SGPP2: variants seen among roughly 807,000 people sequenced by gnomAD.
The protein encoded by SGPP2 is sphingosine 1-phosphate phosphohydrolase 2.
SGPP2 carries 30 observed loss-of-function variants against 33.9 expected under a neutral mutation model. The ratio of observed to expected loss-of-function variants is 0.89; its 90% CI spans 0.66 to 1.20. The LOEUF (loss-of-function observed/expected upper bound fraction) is 1.20. SGPP2 is among the 50% of genes most tolerant of loss of function. The probability of loss-of-function intolerance (pLI) is 0.00; values close to 1 mark genes in which losing one functional copy is unlikely to be tolerated. For missense variants in SGPP2, 458 were observed against 532.1 expected (o/e 0.86, Z 1.37); for synonymous variants, 233 against 225.0 (o/e 1.04, Z -0.32).
chr2:222,474,569 C>T lies in SGPP2; in HGVS notation c.221C>T (p.Ala74Val). 1.9e-6 allele frequency: 3 copies of T among 1,613,098 alleles called. No individual in the cohort carries two copies. The highest frequency in any genetic ancestry group is 2.5e-6 in the Non-Finnish European group (3 of 1,179,612). The change falls in exon 2 of 5, where the codon GCT (alanine) becomes GTT (valine). Residue 74 changes from alanine (A) to valine (V), a missense_variant and splice_region_variant. Coordinates refer to ENST00000321276, the MANE Select transcript of SGPP2 (RefSeq NM_152386.4). ...NGLRRAAAPE[A>V]YVQKYVVKNY... ...AGTCTTCTAACTTTTGTCTTTTAGGCTTATGTACAGAAGTACGTCGTGAAG... is the reference window on the plus strand; with the variant it reads ...AGTCTTCTAACTTTTGTCTTTTAGGTTTATGTACAGAAGTACGTCGTGAAG...
At position 222,550,686 on chromosome 2, in the gene SGPP2, T is replaced by A. The variant is rs577124633; in HGVS notation, c.649-7661T>A. Among the ~76,000 whole-genome samples, 3 of 152,322 alleles carry A rather than the reference T, an allele frequency of 2.0e-5. No homozygotes were observed. The East Asian group carries it at 5.8e-4, about 29-fold the overall frequency. Reference sequence around the variant, plus strand: ...ATAAGGCAGCGTGGTTTTTATCTCATTTTTGGTGTAAGCAGCATAATATGC... The same window carrying A: ...ATAAGGCAGCGTGGTTTTTATCTCAATTTTGGTGTAAGCAGCATAATATGC... On this transcript the variant is annotated intron_variant, in intron 4 of 4. Coordinates refer to ENST00000321276, the MANE Select transcript of SGPP2 (RefSeq NM_152386.4). This position sits in a 1 kb window ranked among gnomAD's most constrained non-coding sequence, Gnocchi z 4.5.
chr2:222,491,202 A>G (rs1043400016), intron 2 of SGPP2, among the ~76,000 whole-genome samples: 1 of 152,074 alleles, frequency 6.6e-6, no homozygotes, highest in African/African-American at 2.4e-5. Context: ...TGCTGTGATC[A>G]TAGCTCACTG....
At chr2:222,458,000 A>G (rs956345687) in intron 1 of SGPP2, among the ~76,000 whole-genome samples, 7 of 152,258 alleles carry the variant, frequency 4.6e-5, no homozygotes, top group African/African-American at 1.4e-4. Context: ...AACCCCAGTT[A>G]CCTGGTTCTA....
intron 2 of SGPP2, among the ~76,000 whole-genome samples, chr2:222,488,820 A>T (rs1323470421): frequency 6.6e-6 from 1 of 152,204 alleles, no homozygotes; most frequent in African/African-American, 2.4e-5. Flanking sequence ...ATATACTCAG[A>T]TTTAATAGAA....
At chr2:222,526,704 T>A (rs1419158123) in intron 4 of SGPP2, among the ~76,000 whole-genome samples, 1 of 152,208 alleles carries the variant, frequency 6.6e-6, no homozygotes, top group African/African-American at 2.4e-5. Context: ...AGGAATGAGA[T>A]CATGTCCTTT....
chr2:222,450,539 C>T (rs1408573252), intron 1 of SGPP2, among the ~76,000 whole-genome samples: 2 of 152,220 alleles, frequency 1.3e-5, no homozygotes, highest in Non-Finnish European at 2.9e-5. Context: ...GGTGGACAGA[C>T]TCCACCTCCA....
intron 1 of SGPP2, among the ~76,000 whole-genome samples, chr2:222,427,422 TTTG>T (rs1030376797): frequency 5.8e-4 from 88 of 151,654 alleles, no homozygotes; most frequent in African/African-American, 1.7e-3. Flanking sequence ...CATCATCTGG[TTTG>T]TTGTTGTTGT....
At chr2:222,541,113 G>A (rs140486611) in intron 4 of SGPP2, among the ~76,000 whole-genome samples, 103 of 152,206 alleles carry the variant, frequency 6.8e-4, no homozygotes, top group African/African-American at 2.4e-3. Context: ...CACCACGTCC[G>A]GCCAGCTTAT....
chr2:222,438,270 T>G (rs765959584), intron 1 of SGPP2, among the ~76,000 whole-genome samples: 2 of 152,226 alleles, frequency 1.3e-5, no homozygotes, highest in African/African-American at 2.4e-5. Context: ...TCCCTGAGTT[T>G]TAGTCGGGCT....
intron 4 of SGPP2, among the ~76,000 whole-genome samples, chr2:222,556,138 C>G (rs1689395074): frequency 6.6e-6 from 1 of 152,076 alleles, no homozygotes; most frequent in Non-Finnish European, 1.5e-5. Flanking sequence ...AGTGCAGGAG[C>G]TTAGAAGCAG....
chr2:222,493,688 A>G (rs1291927402), intron 2 of SGPP2, among the ~76,000 whole-genome samples: 1 of 152,242 alleles, frequency 6.6e-6, no homozygotes, highest in Non-Finnish European at 1.5e-5. Flanking sequence ...ATTAATATCT[A>G]CATTTACGTA....
chr2:222,487,506 G>A (rs1423061891), intron 2 of SGPP2, among the ~76,000 whole-genome samples: 1 of 152,180 alleles, frequency 6.6e-6, no homozygotes, highest in African/African-American at 2.4e-5. Context: ...TGGTGGTGAT[G>A]CATCTTATAG....
intron 4 of SGPP2, among the ~76,000 whole-genome samples, chr2:222,542,935 G>A (rs552043378): frequency 5.9e-5 from 9 of 151,618 alleles, no homozygotes; most frequent in Non-Finnish European, 1.3e-4. Context: ...GACCGCAGTC[G>A]TGTGCCACCA....
chr2:222,509,030 T>C (rs1233521635), intron 2 of SGPP2, among the ~76,000 whole-genome samples: 1 of 152,176 alleles, frequency 6.6e-6, no homozygotes, highest in Admixed American at 6.5e-5. Flanking sequence ...TGGTAAACAG[T>C]AGCCTTTAGA....
At chr2:222,457,334 G>A (rs574621740) in intron 1 of SGPP2, among the ~76,000 whole-genome samples, 24 of 152,182 alleles carry the variant, frequency 1.6e-4, no homozygotes, top group African/African-American at 5.5e-4. Flanking sequence ...GTTATGAAAA[G>A]ATGAGATGAC....
At chr2:222,474,527 A>G (rs761198900) in intron 1 of SGPP2, 41 bp from the exon 2 acceptor site, 2 of 1,588,358 alleles carry the variant, frequency 1.3e-6, no homozygotes, top group South Asian at 2.3e-5. Context: ...AACTTGACAT[A>G]TTGCATGAAC....
intron 4 of SGPP2, among the ~76,000 whole-genome samples, chr2:222,548,645 G>A (rs1038464055): frequency 1.3e-5 from 2 of 152,006 alleles, no homozygotes; most frequent in African/African-American, 4.8e-5. Flanking sequence ...CCATGTGACA[G>A]GTAAATCAGC....
chr2:222,455,331 G>A (rs186008085), intron 1 of SGPP2, among the ~76,000 whole-genome samples: 2 of 152,268 alleles, frequency 1.3e-5, no homozygotes, highest in Admixed American at 6.5e-5. Flanking sequence ...ATCTCTGAAC[G>A]GAGATGTGTA....
intron 4 of SGPP2, among the ~76,000 whole-genome samples, chr2:222,528,099 G>A (rs1405497363): frequency 6.6e-6 from 1 of 152,166 alleles, no homozygotes; most frequent in African/African-American, 2.4e-5. Flanking sequence ...TCTAGGGAAT[G>A]TCTTTTATAA....
Sources: gnomAD v4.1 joint callset for allele counts (sites outside exome capture counted in the v4.1 genomes callset) on GRCh38, gnomAD v4.1.1 for gene constraint, Gnocchi (gnomAD v3.1) non-coding constraint, MANE v1.5 for transcripts, NCBI Gene and HGNC (gene_info 2026-07-23, HGNC 2026-07-21) for gene names.